RGS7: variants seen among roughly 807,000 people sequenced by gnomAD.
The protein encoded by RGS7 is regulator of G-protein signaling 7.
A neutral mutation model predicts 81.1 loss-of-function variants in RGS7; 27 were observed. The ratio of observed to expected loss-of-function variants is 0.33; its 90% CI spans 0.25 to 0.46. The LOEUF (loss-of-function observed/expected upper bound fraction) is 0.46, where lower values mean the gene tolerates loss of function less well. Ranked by LOEUF, RGS7 falls within the 20% of genes least tolerant of loss-of-function variation. The pLI, the probability that RGS7 is intolerant of heterozygous loss-of-function variation, is 1.00. For synonymous variants in RGS7, 208 were observed against 207.7 expected (o/e 1.00, Z -0.01); for missense variants, 396 against 607.4 (o/e 0.65, Z 3.66).
intron 2 of RGS7, among the ~76,000 whole-genome samples, chr1:241,253,319 C>T (rs539453945): frequency 1.3e-4 from 20 of 152,278 alleles, no homozygotes; most frequent in African/African-American, 4.3e-4. Context: ...GGATAGAAGA[C>T]TGGTTTTGGT....
At chr1:241,320,224 T>C (rs1052304220) in intron 2 of RGS7, among the ~76,000 whole-genome samples, 8 of 152,370 alleles carry the variant, frequency 5.3e-5, no homozygotes, top group African/African-American at 1.9e-4. Flanking sequence ...ATAGGTGCTG[T>C]TGCTGATATA....
At chr1:240,953,184 A>T (rs1571962207) in intron 4 of RGS7, among the ~76,000 whole-genome samples, 1 of 151,940 alleles carries the variant, frequency 6.6e-6, no homozygotes, top group African/African-American at 2.4e-5. Flanking sequence ...AAAATCAAGC[A>T]GTCAGAATAT....
At position 240,868,524 on chromosome 1, in the gene RGS7, G is replaced by A. The variant is rs770314829; in HGVS notation, c.609+63C>T. On this transcript the variant is annotated intron_variant, in intron 9 of 18. Coordinates refer to ENST00000440928, the MANE Select transcript of RGS7 (RefSeq NM_001364886.1). This position sits in a 1 kb window ranked among gnomAD's most constrained non-coding sequence, Gnocchi z 5.1. ...ACAGTCTTTCACTTACTTTGGCAGG[G>A]CACCCCTCACTTCCCACAGACGGAG... The A allele has an allele frequency of 2.8e-6, 4 of 1,422,506 alleles. No homozygotes were observed. Among genetic ancestry groups the A allele is most frequent in the Non-Finnish European group, 4.0e-6 (4 of 1,006,844 alleles). 88.1% of individuals were successfully genotyped at this position (1,422,506 alleles called of 1,614,324 possible).
chr1:241,176,017 T>C (rs375596317), intron 2 of RGS7, among the ~76,000 whole-genome samples: 3 of 152,230 alleles, frequency 2.0e-5, no homozygotes, highest in African/African-American at 7.2e-5. Flanking sequence ...ACTATCACTA[T>C]AGCCACTTTA....
At chr1:241,340,184 G>T (rs143301266) in intron 2 of RGS7, among the ~76,000 whole-genome samples, 30 of 152,220 alleles carry the variant, frequency 2.0e-4, no homozygotes, top group Admixed American at 3.9e-4. Context: ...TCGATTAAAA[G>T]AAATATTATG....
chr1:241,202,001 G>GAC (rs1258164610), intron 2 of RGS7, among the ~76,000 whole-genome samples: 1 of 67,864 alleles, frequency 1.5e-5, no homozygotes, highest in East Asian at 2.9e-4. Context: ...CAAACACACA[G>GAC]ACACACACAG....
In RGS7 at chr1:241,028,958, C is replaced by G. The variant is rs140219980; in HGVS notation, c.176-45829G>C. Among the ~76,000 whole-genome samples the G allele has an allele frequency of 8.1e-3, 1,225 of 152,112 alleles. 19 individuals carry two copies. Among genetic ancestry groups the G allele is most frequent in the African/African-American group, 0.028 (1,163 of 41,490 alleles). On this transcript the variant is annotated intron_variant, in intron 3 of 18. Transcript: ENST00000440928. ...ATACTGTGTTCCTATTTCGAAGAAA[C>G]TAAGAATAAGATGAATGGTGAGAGG...
At chr1:240,907,327 T>C (rs1376152386) in intron 6 of RGS7, among the ~76,000 whole-genome samples, 3 of 151,974 alleles carry the variant, frequency 2.0e-5, no homozygotes, top group Non-Finnish European at 2.9e-5. Flanking sequence ...TAAAATAGTA[T>C]AAATCTCCCT....
chr1:240,999,869 C>G (rs958467548), intron 3 of RGS7, among the ~76,000 whole-genome samples: 1 of 152,160 alleles, frequency 6.6e-6, no homozygotes, highest in Non-Finnish European at 1.5e-5. Context: ...TATCAAAGTG[C>G]TGCGACTACA....
At chr1:240,909,314 C>G (rs761547239) in intron 6 of RGS7, among the ~76,000 whole-genome samples, 2 of 152,154 alleles carry the variant, frequency 1.3e-5, no homozygotes, top group African/African-American at 4.8e-5. Flanking sequence ...ATTATTTCAC[C>G]AATAAAATAT....
intron 9 of RGS7, among the ~76,000 whole-genome samples, chr1:240,846,563 T>C (rs1382941931): frequency 6.6e-6 from 1 of 152,150 alleles, no homozygotes; most frequent in Admixed American, 6.5e-5. Context: ...AGTTTTATTT[T>C]TTCCACCACC....
At chr1:240,793,611 A>ATATATATTTTTT in intron 18 of RGS7, among the ~76,000 whole-genome samples, 9 of 78,808 alleles carry the variant, frequency 1.1e-4, no homozygotes, top group African/African-American at 6.8e-4. Flanking sequence ...ATATATATAT[A>ATATATATTTTTT]TTTTTTTTTT....
chr1:241,310,442 TGTGA>T (rs1390134504), intron 2 of RGS7, among the ~76,000 whole-genome samples: 12 of 115,904 alleles, frequency 1.0e-4, no homozygotes, highest in Non-Finnish European at 1.4e-4. Context: ...TGTCTGTGTG[TGTGA>T]GTGTGTGTGT....
intron 2 of RGS7, among the ~76,000 whole-genome samples, chr1:241,326,274 G>C (rs1200922569): frequency 6.6e-6 from 1 of 152,148 alleles, no homozygotes; most frequent in Non-Finnish European, 1.5e-5. Flanking sequence ...GAGATGCAAA[G>C]GATGACCACT....
chr1:241,158,619 G>A (rs2069374713), intron 2 of RGS7, among the ~76,000 whole-genome samples: 1 of 152,192 alleles, frequency 6.6e-6, no homozygotes, highest in Non-Finnish European at 1.5e-5. Context: ...ACAAGCAATG[G>A]AGAAGATATG....
intron 9 of RGS7, among the ~76,000 whole-genome samples, chr1:240,864,117 G>T (rs897670997): frequency 3.3e-5 from 5 of 152,148 alleles, no homozygotes; most frequent in African/African-American, 1.2e-4. Flanking sequence ...CTGTGTTAAT[G>T]ACTATGTTCA....
intron 2 of RGS7, among the ~76,000 whole-genome samples, chr1:241,145,588 A>G (rs2068253857): frequency 6.6e-6 from 1 of 152,132 alleles, no homozygotes; most frequent in African/African-American, 2.4e-5. Flanking sequence ...TCAGGATTTC[A>G]AAGCCAGTTT....
At chr1:240,998,085 T>C (rs951469712) in intron 3 of RGS7, among the ~76,000 whole-genome samples, 1 of 152,218 alleles carries the variant, frequency 6.6e-6, no homozygotes, top group African/African-American at 2.4e-5. Context: ...GGATTACGGA[T>C]TGACAGTTCT....
chr1:241,261,431 C>A (rs991400401), intron 2 of RGS7, among the ~76,000 whole-genome samples: 2 of 151,160 alleles, frequency 1.3e-5, no homozygotes, highest in African/African-American at 4.9e-5. Flanking sequence ...CCATCCTGGC[C>A]AACATGGGAG....
Sources: allele counts gnomAD v4.1 joint callset (sites outside exome capture counted in the v4.1 genomes callset), GRCh38; gene constraint gnomAD v4.1.1; non-coding constraint Gnocchi (gnomAD v3.1); transcripts MANE v1.5; gene names NCBI Gene and HGNC (gene_info 2026-07-23, HGNC 2026-07-21).